CDH15: variants seen among roughly 807,000 people sequenced by gnomAD.
The protein encoded by CDH15 is cadherin-15.
A neutral mutation model predicts 69.4 loss-of-function variants in CDH15; 73 were observed. The ratio of observed to expected loss-of-function variants is 1.05; its 90% CI spans 0.87 to 1.28. CDH15 has a LOEUF of 1.28. Among genes scored for constraint, CDH15 ranks in the 50% most tolerant of loss-of-function variants. The probability of loss-of-function intolerance (pLI) is 0.00; values close to 1 mark genes in which losing one functional copy is unlikely to be tolerated. For missense variants in CDH15, 1,343 were observed against 1,133.6 expected, an observed-to-expected ratio of 1.18 and a Z score of -2.65; for synonymous variants, 624 against 507.7, an observed-to-expected ratio of 1.23 and a Z score of -3.08.
At position 89,183,584 on chromosome 16, in the gene CDH15, C is replaced by T; in HGVS notation, c.394C>T (p.Leu132=). The T allele has an allele frequency of 1.2e-6, 2 of 1,614,134 alleles. No individual in the cohort carries two copies. Among genetic ancestry groups the T allele is most frequent in the Non-Finnish European group, 1.7e-6 (2 of 1,180,020 alleles). The change falls in exon 4 of 14, where the codon CTG becomes TTG. Residue 132 remains leucine, a synonymous_variant. Coordinates refer to ENST00000289746, the MANE Select transcript of CDH15 (RefSeq NM_004933.3). ...TGCCCTGGACCTGGGAGGATCCACCCTGGAGGACCCCACGGACCTGGAGAT... is the reference window on the plus strand; with the variant it reads ...TGCCCTGGACCTGGGAGGATCCACCTTGGAGGACCCCACGGACCTGGAGAT... ...AFALDLGGST[L]EDPTDLEIVV... is the part of the protein sequence containing the mutation.
At chr16:89,193,413 G>A (rs1915704255) in intron 11 of CDH15, 57 bp from the exon 12 acceptor site, 2 of 782,334 alleles carry the variant, frequency 2.6e-6, no homozygotes, top group Non-Finnish European at 3.6e-6. Flanking sequence ...TTCGCAGCCC[G>A]GCCCCCTGAA....
At chr16:89,185,023 A>G in intron 4 of CDH15, 150 bp from the exon 5 acceptor site, 1 of 733,368 alleles carries the variant, frequency 1.4e-6, no homozygotes, top group Non-Finnish European at 2.3e-6. Context: ...TCGGTGACGC[A>G]AACAGCAGCA....
At chr16:89,181,807 C>T (rs375597777) in intron 3 of CDH15, among the ~76,000 whole-genome samples, 13 of 151,458 alleles carry the variant, frequency 8.6e-5, no homozygotes, top group African/African-American at 3.2e-4. Context: ...GGCATTCTAG[C>T]GTGCGCCTGT....
At position 89,191,817 on chromosome 16, in the gene CDH15, A is replaced by T. The variant is rs1020909757; in HGVS notation, c.1538A>T (p.His513Leu). The part of the protein sequence containing the change: ...LGATDEDLPP[H>L]GAPFHFQLSP... Reference sequence around the variant, plus strand: ...GCCACGGATGAGGACCTGCCCCCCCACGGGGCCCCCTTCCACTTCCAGCTG... The same window carrying T: ...GCCACGGATGAGGACCTGCCCCCCCTCGGGGCCCCCTTCCACTTCCAGCTG... The change falls in exon 10 of 14, where the codon CAC becomes CTC. Residue 513 changes from histidine (H) to leucine (L), a missense_variant. Coordinates refer to ENST00000289746, the MANE Select transcript of CDH15 (RefSeq NM_004933.3). 2 of 1,603,902 alleles carry T rather than the reference A, an allele frequency of 1.2e-6. No individual in the cohort carries two copies. Among genetic ancestry groups the T allele is most frequent in the Non-Finnish European group, 1.7e-6 (2 of 1,178,820 alleles).
rs1915514037 is a variant in CDH15 at position 89,187,412 on chromosome 16, G to C, written c.664-17G>C. 7 of 1,611,972 alleles carry C rather than the reference G, an allele frequency of 4.3e-6. No homozygotes were observed. The East Asian group carries it at 1.6e-4, about 36-fold the overall frequency. On this transcript the variant is annotated splice_polypyrimidine_tract_variant and intron_variant, in intron 5 of 13. Transcript: ENST00000289746. ...ACCTGGGCCCTCATCTTCTGACCCT[G>C]TGCCCCACATCCCCAGGTGGTCGCG...
At position 89,179,423 on chromosome 16, in the gene CDH15, G is replaced by A. The variant is rs769050282; in HGVS notation, c.50G>A (p.Cys17Tyr). The change falls in exon 2 of 14, where the codon TGC becomes TAC. Residue 17 changes from cysteine (C) to tyrosine (Y), a missense_variant. Transcript: ENST00000289746. ...CATCTGTCTTTGTTGCAGAGCCTCT[G>A]CCTGTCTTTGGGGGTTCCTGGATGG... ...LVLGLLAQSL[C>Y]LSLGVPGWRR... 1.9e-6 allele frequency: 3 copies of A among 1,613,634 alleles called. No homozygotes were observed. The highest frequency in any genetic ancestry group is 4.5e-5 in the East Asian group (2 of 44,882).
At chr16:89,184,531 T>C (rs1316851322) in intron 4 of CDH15, among the ~76,000 whole-genome samples, 1 of 152,170 alleles carries the variant, frequency 6.6e-6, no homozygotes, top group African/African-American at 2.4e-5. Flanking sequence ...GCGGGGGCTC[T>C]GGCCTACACA....
intron 1 of CDH15, among the ~76,000 whole-genome samples, chr16:89,177,482 A>C (rs1273436352): frequency 2.0e-5 from 3 of 151,926 alleles, no homozygotes; most frequent in Non-Finnish European, 4.4e-5. Context: ...GCCTCCAGGG[A>C]GGAGGGTCAC....
chr16:89,171,989 G>C, intron 1 of CDH15, 116 bp downstream of exon 1: 3 of 1,134,676 alleles, frequency 2.6e-6, no homozygotes, highest in Non-Finnish European at 3.8e-6. Flanking sequence ...TCGCCTTTGG[G>C]GGCCTGTGAG....
chr16:89,188,093 C>A lies in CDH15; in HGVS notation c.793-7C>A. On this transcript the variant is annotated splice_polypyrimidine_tract_variant and splice_region_variant and intron_variant, in intron 6 of 13. Coordinates refer to ENST00000289746, the MANE Select transcript of CDH15 (RefSeq NM_004933.3). ...GCTGGTAACTGGGGCTGGGATCCCC[C>A]ACCCAGTTCTTCATGGAGGCCATAG... The A allele has an allele frequency of 1.2e-6, 2 of 1,607,454 alleles. No individual in the cohort carries two copies. Among genetic ancestry groups the A allele is most frequent in the Non-Finnish European group, 1.7e-6 (2 of 1,177,486 alleles).
chr16:89,194,316 C>T (rs1915740058), intron 13 of CDH15, among the ~76,000 whole-genome samples: 1 of 152,214 alleles, frequency 6.6e-6, no homozygotes, highest in Non-Finnish European at 1.5e-5. Context: ...GATGAATGTG[C>T]ACACGGGGAA....
In CDH15 at chr16:89,193,813, C is replaced by T. The variant is rs1457517527; in HGVS notation, c.2051C>T (p.Pro684Leu). The T allele has an allele frequency of 6.2e-7, 1 of 1,609,076 alleles. No homozygotes were observed. Among genetic ancestry groups the T allele is most frequent in the South Asian group, 1.1e-5 (1 of 90,968 alleles). Residue 684 changes from proline (P) to leucine (L), a missense_variant, in exon 13 of 14, where the codon CCG (proline) becomes CTG (leucine). Coordinates refer to ENST00000289746, the MANE Select transcript of CDH15 (RefSeq NM_004933.3). ...ACAGCGCTGAGCCTGCCTCTGGGAC[C>T]GCCGCCACTTCGCAGAGATGCCCCG... is the stretch of plus-strand genomic sequence containing the variant. ...HPTALSLPLG[P>L]PPLRRDAPQG...
chr16:89,193,349 A>AACCCC, intron 11 of CDH15, 121 bp from the exon 12 acceptor site: 2 of 389,922 alleles, frequency 5.1e-6, no homozygotes, highest in Non-Finnish European at 4.2e-6. Flanking sequence ...CCGCCCCCTC[A>AACCCC]ACCCCACCCC....
intron 1 of CDH15, among the ~76,000 whole-genome samples, chr16:89,175,443 C>A (rs559837838): frequency 1.3e-5 from 2 of 152,356 alleles, no homozygotes; most frequent in East Asian, 3.9e-4. Context: ...TCAGACCCCA[C>A]GTGACTCCTG....
Position 89,195,276 on chromosome 16 carries a change from C to T in CDH15, c.*121C>T, listed in dbSNP as rs936533862. 2.2e-5 allele frequency: 24 copies of T among 1,080,024 alleles called. No homozygotes were observed. Among genetic ancestry groups the T allele is most frequent in the East Asian group, 7.8e-5 (3 of 38,320 alleles). The allele number at this position is 1,080,024 out of a possible 1,614,324, so 66.9% of individuals were successfully genotyped here. ...CCTGGGGCAGCCTCCTTCCTGTAGGCGAGGGCCCAAGTCTGGGGGCAGAAC... is the reference window on the plus strand; with the variant it reads ...CCTGGGGCAGCCTCCTTCCTGTAGGTGAGGGCCCAAGTCTGGGGGCAGAAC... On this transcript the variant is annotated 3_prime_UTR_variant, in exon 14 of 14. Coordinates refer to ENST00000289746, the MANE Select transcript of CDH15 (RefSeq NM_004933.3).
chr16:89,190,262 G>A lies in CDH15; in HGVS notation c.998G>A (p.Cys333Tyr). The A allele has an allele frequency of 6.2e-7, 1 of 1,612,738 alleles. No individual in the cohort carries two copies. ...SIVKALDYES[C>Y]EHYELKVSVQ... ...CCTCAGGCCCTGGACTATGAGAGCT[G>A]TGAACACTACGAACTCAAAGTGTCG... Residue 333 changes from cysteine to tyrosine, a missense_variant, in exon 8 of 14, where the codon TGT (cysteine) becomes TAT (tyrosine). Transcript: ENST00000289746.
chr16:89,194,194 G>A (rs956138947), intron 13 of CDH15, among the ~76,000 whole-genome samples: 3 of 152,220 alleles, frequency 2.0e-5, no homozygotes, highest in Non-Finnish European at 2.9e-5. Context: ...CACCATGGAG[G>A]GGGTGGGGGA....
At chr16:89,180,113 C>A (rs960500460) in intron 2 of CDH15, 87 bp from the exon 3 acceptor site, 20 of 1,460,432 alleles carry the variant, frequency 1.4e-5, no homozygotes, top group Non-Finnish European at 1.7e-5. Context: ...GCCCTGCTGT[C>A]AGCTGGGGAG....
Position 89,188,245 on chromosome 16 carries a change from C to G in CDH15, c.938C>G (p.Thr313Arg), listed in dbSNP as rs758656978. ...GDPDGQFTIR[T>R]DPKTNEGVLS... ...CCCGATGGGCAGTTCACCATCCGCA[C>G]GGACCCCAAGACCAACGAGGGTGTT... The change falls in exon 7 of 14, where the codon ACG becomes AGG. Residue 313 changes from threonine (T) to arginine (R), a missense_variant. By Grantham distance (71) the Thr-to-Arg change is moderately conservative. Coordinates refer to ENST00000289746, the MANE Select transcript of CDH15 (RefSeq NM_004933.3). 9 of 1,613,506 alleles carry G rather than the reference C, an allele frequency of 5.6e-6. No homozygotes were observed. The South Asian group carries it at 6.6e-5, about 12-fold the overall frequency.
Sources: allele counts gnomAD v4.1 joint callset (sites outside exome capture counted in the v4.1 genomes callset), GRCh38; gene constraint gnomAD v4.1.1; transcripts MANE v1.5; gene names NCBI Gene and HGNC (gene_info 2026-07-23, HGNC 2026-07-21).